CCDC93: variants seen among roughly 807,000 people sequenced by gnomAD.
CCDC93 encodes the protein coiled-coil domain-containing protein 93.
Under a neutral mutation model 108.2 loss-of-function variants are expected in CCDC93, and 61 were observed. That is an observed-to-expected ratio of 0.56 (90% CI 0.46 to 0.70). CCDC93 has a LOEUF of 0.70. Among genes scored for constraint, CCDC93 ranks in the 30% least tolerant of loss-of-function variants. The pLI, the probability that CCDC93 is intolerant of heterozygous loss-of-function variation, is 0.00. For missense variants in CCDC93, 685 were observed against 764.2 expected, an observed-to-expected ratio of 0.90 and a Z score of 1.22; for synonymous variants, 276 against 260.4, an observed-to-expected ratio of 1.06 and a Z score of -0.58.
intron 19 of CCDC93, among the ~76,000 whole-genome samples, chr2:117,940,646 G>C (rs112811857): frequency 6.6e-6 from 1 of 152,200 alleles, no homozygotes; most frequent in Non-Finnish European, 1.5e-5. Context: ...TCATTTAGCT[G>C]AGATATGATG....
rs571413349 is a variant in CCDC93, at chr2:117,927,468, A to T, written c.1842+3569T>A. 1.7e-4 allele frequency among the ~76,000 whole-genome samples: 25 copies of T among 151,434 alleles called. 1 individual carries two copies. In the East Asian group the frequency reaches 4.6e-3, roughly 28 times the overall value. Reference sequence around the variant, plus strand: ...AAAATCACAAGCATTCTTATACACCAATAACAGACAGAGAGCCAAATCATG... The same window carrying T: ...AAAATCACAAGCATTCTTATACACCTATAACAGACAGAGAGCCAAATCATG... On this transcript the variant is annotated intron_variant, in intron 23 of 23. Coordinates refer to ENST00000376300, the MANE Select transcript of CCDC93 (RefSeq NM_019044.5).
chr2:117,967,992 C>T (rs1196315114), intron 11 of CCDC93, among the ~76,000 whole-genome samples: 1 of 152,100 alleles, frequency 6.6e-6, no homozygotes, highest in Non-Finnish European at 1.5e-5. Context: ...CATGGAGAGG[C>T]ACTCAGGGTA....
At chr2:117,946,414 T>C (rs1385130683) in intron 16 of CCDC93, among the ~76,000 whole-genome samples, 3 of 152,212 alleles carry the variant, frequency 2.0e-5, no homozygotes, top group Non-Finnish European at 2.9e-5. Context: ...TCCTTCTTCA[T>C]GTTTGTTGCT....
At chr2:117,977,327 C>T (rs903882636) in intron 8 of CCDC93, among the ~76,000 whole-genome samples, 1 of 152,108 alleles carries the variant, frequency 6.6e-6, no homozygotes, top group Non-Finnish European at 1.5e-5. Flanking sequence ...AATCACTGAG[C>T]CTCTCTGAGC....
chr2:117,934,812 G>GC, intron 22 of CCDC93: 1 of 152,290 alleles, frequency 6.6e-6, no homozygotes, highest in South Asian at 2.1e-4. Flanking sequence ...GAACCACTCT[G>GC]GCGTGATACA....
At chr2:117,934,430 A>C (rs992167590) in intron 22 of CCDC93, 25 of 152,334 alleles carry the variant, frequency 1.6e-4, no homozygotes, top group African/African-American at 6.0e-4. Flanking sequence ...ATATATAGGC[A>C]AACACTGACT....
chr2:117,988,115 GAT>G lies in CCDC93; in HGVS notation c.520-2048_520-2047del, dbSNP rs3080398. On this transcript the variant is annotated intron_variant, in intron 6 of 23. Coordinates refer to ENST00000376300, the MANE Select transcript of CCDC93 (RefSeq NM_019044.5). ...GGTTCTGATACATATATATATATCA[GAT>G]ATATATATATATGATATATGTATTT... is the stretch of plus-strand genomic sequence containing the variant. Among the ~76,000 whole-genome samples the G allele has an allele frequency of 6.8e-4, 102 of 149,698 alleles. 1 individual carries two copies. Among genetic ancestry groups the G allele is most frequent in the Middle Eastern group, 3.6e-3 (1 of 280 alleles).
At chr2:117,947,104 G>C (rs554157541) in intron 15 of CCDC93, among the ~76,000 whole-genome samples, 1 of 152,300 alleles carries the variant, frequency 6.6e-6, no homozygotes, top group South Asian at 2.1e-4. Flanking sequence ...CCTTCTTTCT[G>C]AAGGGCTGGT....
intron 3 of CCDC93, among the ~76,000 whole-genome samples, chr2:118,004,201 T>G (rs1163074063): frequency 6.6e-6 from 1 of 152,140 alleles, no homozygotes; most frequent in Non-Finnish European, 1.5e-5. Context: ...CTCAAAGCGG[T>G]AGTGAAGGTA....
At chr2:118,010,552 C>T (rs1405183429) in intron 1 of CCDC93, among the ~76,000 whole-genome samples, 1 of 152,158 alleles carries the variant, frequency 6.6e-6, no homozygotes, top group Non-Finnish European at 1.5e-5. Context: ...CCCTTTCATT[C>T]ATACTTCATT....
chr2:117,940,694 G>A (rs1446344753), intron 19 of CCDC93, among the ~76,000 whole-genome samples: 3 of 152,216 alleles, frequency 2.0e-5, no homozygotes, highest in Non-Finnish European at 2.9e-5. Context: ...GAAGAAAAAG[G>A]CAATGGCAGC....
intron 6 of CCDC93, among the ~76,000 whole-genome samples, chr2:117,987,599 T>C (rs1680358224): frequency 6.6e-6 from 1 of 152,202 alleles, no homozygotes; most frequent in Non-Finnish European, 1.5e-5. Flanking sequence ...TTCCCCTCAA[T>C]GGGCCTCAGT....
intron 23 of CCDC93, among the ~76,000 whole-genome samples, chr2:117,927,566 GACCTCTTCAAGA>G (rs1235446974): frequency 1.3e-5 from 2 of 152,072 alleles, no homozygotes; most frequent in African/African-American, 4.8e-5. Flanking sequence ...GGACATGAAG[GACCTCTTCAAGA>G]ACTACAAACC....
At chr2:117,993,557 CTCCTGCTGCTGGCCTAGCAAT>C (rs1445180351) in intron 6 of CCDC93, among the ~76,000 whole-genome samples, 5 of 152,172 alleles carry the variant, frequency 3.3e-5, no homozygotes, top group African/African-American at 7.2e-5. Context: ...TTCCCCTTCT[CTCCTGCTGCTGGCCTAGCAAT>C]TTCCTGCCTC....
At chr2:117,960,892 A>C (rs1340189358) in intron 11 of CCDC93, among the ~76,000 whole-genome samples, 1 of 152,182 alleles carries the variant, frequency 6.6e-6, no homozygotes, top group East Asian at 1.9e-4. Context: ...ATAATTTGTA[A>C]GTAAATACAT....
chr2:117,945,455 C>A lies in CCDC93; in HGVS notation c.1350+74G>T, dbSNP rs981783483. The A allele has an allele frequency of 3.3e-6, 4 of 1,194,266 alleles. No homozygotes were observed. In the Admixed American group the frequency reaches 7.0e-5, roughly 21 times the overall value. The allele number at this position is 1,194,266 out of a possible 1,614,324, so 74.0% of individuals were successfully genotyped here. The stretch of plus-strand genomic sequence containing the variant: ...AGCACATTAAAGTAGGCATGAGAAG[C>A]CATCACAGGAGAGTGGAAAGCTGGC... On this transcript the variant is annotated intron_variant, in intron 17 of 23. Transcript: ENST00000376300.
At chr2:117,941,352 T>C (rs1678694818) in intron 18 of CCDC93, 55 bp from the exon 19 acceptor site, 2 of 1,440,884 alleles carry the variant, frequency 1.4e-6, no homozygotes, top group Admixed American at 1.7e-5. Context: ...CCTTACATGT[T>C]CTCTAGGGAG....
chr2:118,013,227 T>G (rs1677066574), intron 1 of CCDC93, among the ~76,000 whole-genome samples: 1 of 152,230 alleles, frequency 6.6e-6, no homozygotes, highest in Admixed American at 6.5e-5. Context: ...TCCCTAGCAC[T>G]AAGTGAGTAC....
intron 3 of CCDC93, among the ~76,000 whole-genome samples, chr2:118,002,447 A>G (rs1676730839): frequency 6.6e-6 from 1 of 152,192 alleles, no homozygotes; most frequent in South Asian, 2.1e-4. Context: ...TGGGCACTAG[A>G]GAACACATTA....
Sources: gnomAD v4.1 joint callset for allele counts (sites outside exome capture counted in the v4.1 genomes callset) on GRCh38, gnomAD v4.1.1 for gene constraint, MANE v1.5 for transcripts, NCBI Gene and HGNC (gene_info 2026-07-23, HGNC 2026-07-21) for gene names.